Variants in RBFOX1 observed in about 807,000 individuals in gnomAD.
RBFOX1 encodes RNA binding protein fox-1 homolog 1.
A neutral mutation model predicts 57.7 loss-of-function variants in RBFOX1; 8 were observed. The observed-to-expected ratio is 0.14, with a 90% CI of 0.08 to 0.25. RBFOX1 has a LOEUF of 0.25. Ranked by LOEUF, RBFOX1 falls within the 10% of genes least tolerant of loss-of-function variation. The probability of loss-of-function intolerance (pLI) is 1.00; values close to 1 mark genes in which losing one functional copy is unlikely to be tolerated. For missense variants in RBFOX1, 611 were observed against 548.5 expected (o/e 1.11, Z -1.14); for synonymous variants, 326 against 222.4 (o/e 1.47, Z -4.15).
intron 4 of RBFOX1, among the ~76,000 whole-genome samples, chr16:7,321,143 T>C (rs2096539818): frequency 1.2e-5 from 1 of 85,070 alleles, no homozygotes; most frequent in South Asian, 5.0e-4. Flanking sequence ...ATACTTATAT[T>C]GTTTGTTTTT....
chr16:5,624,109 A>G (rs1472552247), intron 3 of RBFOX1, among the ~76,000 whole-genome samples: 1 of 152,246 alleles, frequency 6.6e-6, no homozygotes, highest in African/African-American at 2.4e-5. Flanking sequence ...GATTTGGAAA[A>G]GCAAAGGAGA....
At chr16:6,796,646 T>G (rs2154253062) in intron 3 of RBFOX1, among the ~76,000 whole-genome samples, 1 of 152,262 alleles carries the variant, frequency 6.6e-6, no homozygotes, top group East Asian at 1.9e-4. Context: ...TGTTAAAAAT[T>G]TTCTCTTGTA....
intron 1 of RBFOX1, among the ~76,000 whole-genome samples, chr16:5,317,676 A>C (rs2064280585): frequency 6.6e-6 from 1 of 152,240 alleles, no homozygotes; most frequent in Non-Finnish European, 1.5e-5. Context: ...TGCCTCATTC[A>C]GTGCCTGACA....
chr16:5,994,289 G>A (rs992163631), intron 4 of RBFOX1, among the ~76,000 whole-genome samples: 27 of 152,282 alleles, frequency 1.8e-4, no homozygotes, highest in African/African-American at 6.0e-4. Context: ...AGCCTCCTTA[G>A]TAGCTGGGAT....
At chr16:6,552,749 A>G (rs779412976) in intron 2 of RBFOX1, among the ~76,000 whole-genome samples, 16 of 152,086 alleles carry the variant, frequency 1.1e-4, no homozygotes, top group Non-Finnish European at 1.6e-4. Flanking sequence ...ACCAAAAATT[A>G]TATAGAAAAT....
chr16:5,933,557 C>T (rs192019665), intron 4 of RBFOX1, among the ~76,000 whole-genome samples: 245 of 152,278 alleles, frequency 1.6e-3, no homozygotes, highest in African/African-American at 5.5e-3. Context: ...GGAACAATCA[C>T]ACAGAAAAAC....
chr16:7,328,798 A>G (rs771258679), intron 4 of RBFOX1: 1 of 152,108 alleles, frequency 6.6e-6, no homozygotes, highest in Non-Finnish European at 1.5e-5. Flanking sequence ...AGGAACAGCA[A>G]AGGAGCGAGT....
chr16:5,752,503 C>T (rs937106744), intron 3 of RBFOX1, among the ~76,000 whole-genome samples: 3 of 152,138 alleles, frequency 2.0e-5, no homozygotes, highest in African/African-American at 7.2e-5. Flanking sequence ...TTTTTGCCAC[C>T]CACCTAGCTG....
intron 4 of RBFOX1, among the ~76,000 whole-genome samples, chr16:7,092,994 CA>C (rs2061115266): frequency 1.3e-5 from 2 of 152,194 alleles, no homozygotes; most frequent in Admixed American, 6.5e-5. Flanking sequence ...TTGCCTCTGG[CA>C]GTCAAAGGAA....
At chr16:6,408,710 T>C (rs2093365143) in intron 2 of RBFOX1, among the ~76,000 whole-genome samples, 1 of 152,158 alleles carries the variant, frequency 6.6e-6, no homozygotes, top group African/African-American at 2.4e-5. Context: ...TTAGCAAGTT[T>C]TCAAGGCAAA....
chr16:6,072,584 G>T (rs974052177), intron 1 of RBFOX1, among the ~76,000 whole-genome samples: 1 of 151,298 alleles, frequency 6.6e-6, no homozygotes, highest in African/African-American at 2.4e-5. Flanking sequence ...ATGGCAAAAG[G>T]GTTCCAGTTT....
At chr16:7,366,901 A>C (rs1460713125) in intron 4 of RBFOX1, among the ~76,000 whole-genome samples, 1 of 152,188 alleles carries the variant, frequency 6.6e-6, no homozygotes, top group Non-Finnish European at 1.5e-5. Context: ...CTTACTTTTC[A>C]TCCCCCCAAA....
intron 2 of RBFOX1, among the ~76,000 whole-genome samples, chr16:5,515,986 C>T (rs1025222883): frequency 1.3e-5 from 2 of 152,152 alleles, no homozygotes; most frequent in South Asian, 2.1e-4. Context: ...AGCACCAGAG[C>T]GTATTTGAGC....
chr16:6,942,384 C>A (rs180691913), intron 3 of RBFOX1, among the ~76,000 whole-genome samples: 29 of 152,198 alleles, frequency 1.9e-4, no homozygotes, highest in African/African-American at 6.7e-4. Context: ...GATCTCGAAC[C>A]CTTGGGTTCA....
chr16:7,599,108 T>G (rs943955731), intron 9 of RBFOX1, among the ~76,000 whole-genome samples: 2 of 152,254 alleles, frequency 1.3e-5, no homozygotes, highest in East Asian at 1.9e-4. Context: ...TTAAATGGTA[T>G]AGACTATTTT....
intron 3 of RBFOX1, among the ~76,000 whole-genome samples, chr16:6,959,569 A>C (rs994671890): frequency 2.6e-5 from 4 of 152,106 alleles, no homozygotes. Flanking sequence ...GTGGCAAAGC[A>C]GGTCTCCCTC....
At chr16:6,858,974 T>G (rs996901360) in intron 3 of RBFOX1, among the ~76,000 whole-genome samples, 1 of 151,412 alleles carries the variant, frequency 6.6e-6, no homozygotes, top group African/African-American at 2.4e-5. Flanking sequence ...TAAAAACACA[T>G]GTACACATTT....
intron 4 of RBFOX1, among the ~76,000 whole-genome samples, chr16:7,182,837 T>G (rs1232279383): frequency 6.6e-6 from 1 of 152,190 alleles, no homozygotes; most frequent in South Asian, 2.1e-4. Context: ...TTCCTGAGTT[T>G]TTTATGGCAA....
chr16:7,211,852 C>T lies in RBFOX1; in HGVS notation c.27+159754C>T, dbSNP rs532736189. 1.5e-4 allele frequency among the ~76,000 whole-genome samples: 23 copies of T among 152,218 alleles called. No individual in the cohort carries two copies. The South Asian group carries it at 3.3e-3, about 22-fold the overall frequency. On this transcript the variant is annotated intron_variant, in intron 4 of 15. Transcript: ENST00000550418. ...CGCCCTTAGCACGAGGTGGTTGCAG[C>T]GTTTCCTAATATAAATGCAAGCAAA...
Sources: allele counts gnomAD v4.1 joint callset (sites outside exome capture counted in the v4.1 genomes callset), GRCh38; gene constraint gnomAD v4.1.1; transcripts MANE v1.5; gene names NCBI Gene and HGNC (gene_info 2026-07-23, HGNC 2026-07-21).